The following CNTNAP2 variants were observed in gnomAD, a reference collection of about 807,000 sequenced individuals.
The protein encoded by CNTNAP2 is contactin-associated protein-like 2.
In CNTNAP2, 98 loss-of-function variants were observed where a neutral mutation model predicts 155.2. The ratio of observed to expected loss-of-function variants is 0.63; its 90% CI spans 0.54 to 0.75. The LOEUF is 0.75. Ranked by LOEUF, CNTNAP2 falls within the 30% of genes least tolerant of loss-of-function variation. The pLI, the probability that CNTNAP2 is intolerant of heterozygous loss-of-function variation, is 0.00. For missense variants in CNTNAP2, 1,727 were observed against 1,688.1 expected, an observed-to-expected ratio of 1.02 and a Z score of -0.40; for synonymous variants, 651 against 631.2, an observed-to-expected ratio of 1.03 and a Z score of -0.47.
chr7:146,415,308 T>A (rs1182425049), intron 1 of CNTNAP2, among the ~76,000 whole-genome samples: 1 of 152,178 alleles, frequency 6.6e-6, no homozygotes, highest in Non-Finnish European at 1.5e-5. Context: ...ATGAATACTT[T>A]TTATTTGTGT....
chr7:146,979,346 C>G (rs750607544), intron 3 of CNTNAP2, among the ~76,000 whole-genome samples: 5 of 152,048 alleles, frequency 3.3e-5, no homozygotes, highest in African/African-American at 4.8e-5. Context: ...TTGATGTTTC[C>G]CTCTTCCTAG....
chr7:146,510,453 G>A (rs1023449343), intron 1 of CNTNAP2, among the ~76,000 whole-genome samples: 16 of 152,262 alleles, frequency 1.1e-4, no homozygotes, highest in Admixed American at 7.2e-4. Context: ...GCTCATGGTT[G>A]CTTTGGCTAT....
At chr7:148,355,241 G>C (rs527683252) in intron 21 of CNTNAP2, among the ~76,000 whole-genome samples, 1 of 131,944 alleles carries the variant, frequency 7.6e-6, no homozygotes, top group African/African-American at 2.9e-5. Flanking sequence ...GAGTGCAGTG[G>C]TGCGATCTCG....
At position 146,422,493 on chromosome 7, in the gene CNTNAP2, CT is replaced by C. The variant is rs923117957; in HGVS notation, c.97+305529del. On this transcript the variant is annotated intron_variant, in intron 1 of 23. Transcript: ENST00000361727. Reference sequence around the variant, plus strand: ...ATTCCATGTGTTATCTGGAAGACCACTTTTTTTTTCCCACTTGACATTTTTC... The same window carrying C: ...ATTCCATGTGTTATCTGGAAGACCACTTTTTTTTCCCACTTGACATTTTTC... Among the ~76,000 whole-genome samples the C allele has an allele frequency of 1.7e-3, 264 of 150,870 alleles. 1 individual carries two copies. The highest frequency in any genetic ancestry group is 5.9e-3 in the African/African-American group (241 of 41,166).
chr7:146,253,746 G>A (rs802523), intron 1 of CNTNAP2, among the ~76,000 whole-genome samples: 38,896 of 152,072 alleles, frequency 0.26, 12,812 homozygotes, highest in African/African-American at 0.77. Flanking sequence ...TCGTCAAACT[G>A]TTTTAAAAGA....
chr7:146,513,976 T>G (rs926958244), intron 1 of CNTNAP2, among the ~76,000 whole-genome samples: 1 of 152,046 alleles, frequency 6.6e-6, no homozygotes, highest in Non-Finnish European at 1.5e-5. Flanking sequence ...GTTTAGCAAG[T>G]TTTTTACTTC....
intron 14 of CNTNAP2, among the ~76,000 whole-genome samples, chr7:147,944,848 C>T (rs961765794): frequency 6.6e-6 from 1 of 152,160 alleles, no homozygotes; most frequent in Non-Finnish European, 1.5e-5. Flanking sequence ...TTATACCTCA[C>T]TTTGTAGATA....
intron 9 of CNTNAP2, among the ~76,000 whole-genome samples, chr7:147,307,590 G>GCC (rs5888248): frequency 4.1e-4 from 63 of 151,836 alleles, no homozygotes; most frequent in African/African-American, 1.4e-3. Context: ...TACCCCACCT[G>GCC]CCCCCCCAAA....
intron 12 of CNTNAP2, among the ~76,000 whole-genome samples, chr7:147,611,563 C>G (rs1450392439): frequency 6.6e-6 from 1 of 152,202 alleles, no homozygotes; most frequent in Non-Finnish European, 1.5e-5. Context: ...CCAAATTGTT[C>G]TTCATGTGGG....
At chr7:146,993,614 G>A (rs1798250746) in intron 3 of CNTNAP2, among the ~76,000 whole-genome samples, 1 of 152,028 alleles carries the variant, frequency 6.6e-6, no homozygotes, top group Non-Finnish European at 1.5e-5. Context: ...TGGAGAGCAG[G>A]GAGAGCTCCC....
rs552306572 is a variant in CNTNAP2, at chr7:147,775,480, A to G, written c.2099-128085A>G. On this transcript the variant is annotated intron_variant, in intron 13 of 23. Coordinates refer to ENST00000361727, the MANE Select transcript of CNTNAP2 (RefSeq NM_014141.6). Reference sequence around the variant, plus strand: ...CTAAAAGTAATTCTGTCCTTTGGAGATGTAGTAGGATGGATACATTAAATA... The same window carrying G: ...CTAAAAGTAATTCTGTCCTTTGGAGGTGTAGTAGGATGGATACATTAAATA... 2.1e-5 allele frequency among the ~76,000 whole-genome samples: 3 copies of G among 143,442 alleles called. No homozygotes were observed. The Admixed American group carries it at 2.2e-4, about 11-fold the overall frequency. The allele number at this position is 143,442 out of a possible 152,430, so 94.1% of individuals were successfully genotyped here. A position where few individuals can be genotyped will look rare whatever the true frequency, so the allele number is the denominator to read the frequency against.
chr7:146,877,702 TAGC>T (rs1234684344), intron 3 of CNTNAP2, among the ~76,000 whole-genome samples: 2 of 151,898 alleles, frequency 1.3e-5, no homozygotes, highest in East Asian at 3.9e-4. Context: ...TAAACTTTTT[TAGC>T]AGCTCTATGG....
At chr7:146,908,730 CA>C (rs1796203349) in intron 3 of CNTNAP2, among the ~76,000 whole-genome samples, 1 of 138,484 alleles carries the variant, frequency 7.2e-6, no homozygotes, top group African/African-American at 2.7e-5. Flanking sequence ...CCTAACATCA[CA>C]GTTAAAAGAA....
intron 1 of CNTNAP2, among the ~76,000 whole-genome samples, chr7:146,485,190 C>T (rs1239438526): frequency 6.6e-6 from 1 of 151,592 alleles, no homozygotes; most frequent in East Asian, 1.9e-4. Context: ...TTGGAAAGTA[C>T]ACTGTGACAA....
intron 13 of CNTNAP2, among the ~76,000 whole-genome samples, chr7:147,852,943 G>C (rs1222310601): frequency 2.0e-5 from 3 of 152,084 alleles, no homozygotes; most frequent in African/African-American, 4.8e-5. Context: ...TTAATCCAGT[G>C]CTCAAGTAGG....
rs149114377 is a variant in CNTNAP2, at chr7:148,238,079, G to T, written c.3381+8300G>T. 8.5e-5 allele frequency among the ~76,000 whole-genome samples: 13 copies of T among 152,298 alleles called. No individual in the cohort carries two copies. The South Asian group carries it at 2.5e-3, about 29-fold the overall frequency. ...GATTAAGAAGTCCCAGGCCAGGCGC[G>T]GTGGCTCACGCCTGTAATCCCAGCA... is the stretch of plus-strand genomic sequence containing the variant. On this transcript the variant is annotated intron_variant, in intron 20 of 23. Transcript: ENST00000361727.
intron 8 of CNTNAP2, among the ~76,000 whole-genome samples, chr7:147,232,832 C>T (rs1254540611): frequency 1.3e-5 from 2 of 152,128 alleles, no homozygotes; most frequent in Admixed American, 6.5e-5. Flanking sequence ...TTGAAACCAC[C>T]ATTTCAGGGT....
chr7:147,091,124 C>G (rs940677121), intron 4 of CNTNAP2, among the ~76,000 whole-genome samples: 3 of 151,996 alleles, frequency 2.0e-5, no homozygotes, highest in East Asian at 3.9e-4. Context: ...AACGCCCCAT[C>G]GGATGATCAT....
intron 8 of CNTNAP2, among the ~76,000 whole-genome samples, chr7:147,272,831 C>T (rs1422662031): frequency 6.6e-6 from 1 of 151,956 alleles, no homozygotes; most frequent in African/African-American, 2.4e-5. Context: ...CTTTAAGCTT[C>T]CTATATACAG....
Sources: allele counts gnomAD v4.1 joint callset (sites outside exome capture counted in the v4.1 genomes callset), GRCh38; gene constraint gnomAD v4.1.1; transcripts MANE v1.5; gene names NCBI Gene and HGNC (gene_info 2026-07-23, HGNC 2026-07-21).